DPH6: variants seen among roughly 807,000 people sequenced by gnomAD.
The protein encoded by DPH6 is diphthamine biosynthesis 6, also known as diphthine--ammonia ligase.
A neutral mutation model predicts 38.2 loss-of-function variants in DPH6; 33 were observed. The observed-to-expected ratio is 0.86, with a 90% CI of 0.65 to 1.15. DPH6 has a LOEUF of 1.15. DPH6 is among the 50% of genes most tolerant of loss of function. The pLI, the probability that DPH6 is intolerant of heterozygous loss-of-function variation, is 0.00. For missense variants in DPH6, 325 were observed against 320.0 expected (o/e 1.02, Z -0.12); for synonymous variants, 108 against 103.0 (o/e 1.05, Z -0.30).
intron 3 of DPH6, among the ~76,000 whole-genome samples, chr15:35,466,411 T>C (rs2054127242): frequency 2.0e-5 from 3 of 152,140 alleles, no homozygotes; most frequent in African/African-American, 7.2e-5. Flanking sequence ...TTGGTAGGGT[T>C]TAACCTGTTC....
chr15:35,333,785 AAGGAATAT>A (rs1322501838), intron 3 of DPH6, among the ~76,000 whole-genome samples: 1 of 152,216 alleles, frequency 6.6e-6, no homozygotes, highest in Admixed American at 6.5e-5. Context: ...TATATATGTG[AAGGAATAT>A]AAATTATTCT....
intron 6 of DPH6, among the ~76,000 whole-genome samples, chr15:35,391,304 G>C (rs749320115): frequency 1.3e-5 from 2 of 152,198 alleles, no homozygotes; most frequent in Non-Finnish European, 2.9e-5. Flanking sequence ...CCCACTTGAG[G>C]AGGCAGTCTG....
chr15:35,298,238 T>C (rs2052028743), intron 3 of DPH6: 1 of 519,722 alleles, frequency 1.9e-6, no homozygotes, highest in Non-Finnish European at 3.8e-6. Context: ...TGTGCTCTAG[T>C]TCTTAAAATC....
the DPH6 span, among the ~76,000 whole-genome samples, chr15:35,145,052 A>C: frequency 2.0e-5 from 3 of 152,320 alleles, no homozygotes; most frequent in Non-Finnish European, 2.9e-5. Context: ...AATAACACTA[A>C]CCTTATGATT....
chr15:35,197,840 T>G, the DPH6 span, among the ~76,000 whole-genome samples: 1 of 152,206 alleles, frequency 6.6e-6, no homozygotes, highest in Admixed American at 6.5e-5. Context: ...AGCACCATAC[T>G]TTCATTCTGG....
the DPH6 span, among the ~76,000 whole-genome samples, chr15:35,194,929 A>C: frequency 6.6e-6 from 1 of 152,222 alleles, no homozygotes; most frequent in African/African-American, 2.4e-5. Flanking sequence ...GAGCATTTGA[A>C]TTATTTTCTT....
chr15:35,185,057 T>C, the DPH6 span, among the ~76,000 whole-genome samples: 28 of 151,234 alleles, frequency 1.9e-4, no homozygotes, highest in Admixed American at 1.7e-3. Context: ...TGTAGAAAAA[T>C]TGACAAAAAA....
At chr15:35,224,310 T>C (rs960737023) in intron 3 of DPH6, among the ~76,000 whole-genome samples, 2 of 152,072 alleles carry the variant, frequency 1.3e-5, no homozygotes, top group African/African-American at 2.4e-5. Flanking sequence ...TTTCATCATG[T>C]TGGCCAGGCT....
chr15:35,371,732 G>A lies in DPH6; in HGVS notation c.*418C>T. ...GACACCCAGTAGAATAAGCTTGACT[G>A]GCTAAATAAAGTGACCATCTTTTCA... On this transcript the variant is annotated 3_prime_UTR_variant, in exon 9 of 9. Coordinates refer to ENST00000256538, the MANE Select transcript of DPH6 (RefSeq NM_080650.4). 2 of 987,864 alleles carry A rather than the reference G, an allele frequency of 2.0e-6. No individual in the cohort carries two copies. Among genetic ancestry groups the A allele is most frequent in the Non-Finnish European group, 2.4e-6 (2 of 831,862 alleles). 61.2% of individuals were successfully genotyped at this position (987,864 alleles called of 1,614,324 possible).
At chr15:35,538,137 CAA>C (rs2055199003) in intron 3 of DPH6, 135 bp downstream of exon 3, 2 of 730,362 alleles carry the variant, frequency 2.7e-6, no homozygotes, top group Non-Finnish European at 4.0e-6. Context: ...TTTTTCTAAC[CAA>C]AAAAAGACAA....
chr15:35,188,289 G>A, the DPH6 span, among the ~76,000 whole-genome samples: 1 of 152,128 alleles, frequency 6.6e-6, no homozygotes, highest in Non-Finnish European at 1.5e-5. Context: ...CTTCCTCTAG[G>A]AACATTGGAC....
At chr15:35,431,878 C>G (rs539980813) in intron 5 of DPH6, among the ~76,000 whole-genome samples, 1 of 152,166 alleles carries the variant, frequency 6.6e-6, no homozygotes, top group East Asian at 1.9e-4. Context: ...AGCTCCGCAT[C>G]CCAGGTTCAC....
At chr15:35,290,643 G>A (rs2051974129) in intron 3 of DPH6, among the ~76,000 whole-genome samples, 1 of 152,106 alleles carries the variant, frequency 6.6e-6, no homozygotes, top group Non-Finnish European at 1.5e-5. Flanking sequence ...AATGACTGCT[G>A]CCACTGTTAG....
At chr15:35,324,760 C>G (rs1035584411) in intron 3 of DPH6, among the ~76,000 whole-genome samples, 5 of 151,928 alleles carry the variant, frequency 3.3e-5, no homozygotes, top group African/African-American at 1.2e-4. Flanking sequence ...TTGAACTCAA[C>G]AAACAAAAGA....
At chr15:35,196,668 T>C in the DPH6 span, among the ~76,000 whole-genome samples, 3 of 152,222 alleles carry the variant, frequency 2.0e-5, no homozygotes, top group African/African-American at 4.8e-5. Context: ...CACTTGACAA[T>C]GTGTTGAAAA....
chr15:35,497,547 G>C (rs183405782), intron 3 of DPH6, among the ~76,000 whole-genome samples: 79 of 152,236 alleles, frequency 5.2e-4, no homozygotes, highest in African/African-American at 1.9e-3. Context: ...AGTTGAGAAA[G>C]CAAGAGTTCT....
At chr15:35,490,380 T>A (rs1034132285) in intron 3 of DPH6, among the ~76,000 whole-genome samples, 1 of 152,180 alleles carries the variant, frequency 6.6e-6, no homozygotes, top group African/African-American at 2.4e-5. Context: ...AATGAACAGT[T>A]ATGAATTGCT....
the DPH6 span, among the ~76,000 whole-genome samples, chr15:35,156,223 T>C: frequency 5.3e-5 from 8 of 152,300 alleles, no homozygotes; most frequent in South Asian, 1.7e-3. Context: ...GTTTTTGGCA[T>C]ATGTTGTACA....
intron 3 of DPH6, among the ~76,000 whole-genome samples, chr15:35,358,087 T>C (rs2052582078): frequency 6.6e-6 from 1 of 152,114 alleles, no homozygotes; most frequent in Non-Finnish European, 1.5e-5. Flanking sequence ...ATTTTCTTAT[T>C]CTTTTTTCTG....
Sources: gnomAD v4.1 joint callset for allele counts (sites outside exome capture counted in the v4.1 genomes callset) on GRCh38, gnomAD v4.1.1 for gene constraint, MANE v1.5 for transcripts, NCBI Gene and HGNC (gene_info 2026-07-23, HGNC 2026-07-21) for gene names.